The following RHOQ variants were observed in gnomAD, a reference collection of about 807,000 sequenced individuals.
RHOQ encodes ras homolog family member Q.
In RHOQ, 7 loss-of-function variants were observed where a neutral mutation model predicts 25.8. The ratio of observed to expected loss-of-function variants is 0.27; its 90% confidence interval spans 0.15 to 0.51. The LOEUF (loss-of-function observed/expected upper bound fraction) is 0.51, where lower values mean the gene tolerates loss of function less well. Ranked by LOEUF, RHOQ falls within the 20% of genes least tolerant of loss-of-function variation. The pLI is 0.97. For synonymous variants in RHOQ, 97 were observed against 98.6 expected (o/e 0.98, Z 0.10); for missense variants, 165 against 260.6 (o/e 0.63, Z 2.53).
In RHOQ at chr2:46,547,914, C is replaced by G. The variant is rs560592892; in HGVS notation, c.201+4102C>G. Among the ~76,000 whole-genome samples, 63 of 152,310 alleles carry G rather than the reference C, an allele frequency of 4.1e-4. No homozygotes were observed. The Middle Eastern group carries it at 0.014, about 33-fold the overall frequency. ...GCAAGCTGCTCTCTAGCTGTGGGCT[C>G]TAGGCTGATCTCTTAATCCTTGGCA... is the stretch of plus-strand genomic sequence containing the variant. On this transcript the variant is annotated intron_variant, in intron 2 of 4. Transcript: ENST00000238738.
intron 2 of RHOQ, among the ~76,000 whole-genome samples, chr2:46,549,350 C>T (rs934141187): frequency 3.9e-5 from 6 of 152,116 alleles, no homozygotes; most frequent in Admixed American, 1.3e-4. Context: ...TCAGAGGCCC[C>T]ATGGAGAATT....
At chr2:46,578,858 T>C (rs1669235943) in intron 4 of RHOQ, among the ~76,000 whole-genome samples, 1 of 152,026 alleles carries the variant, frequency 6.6e-6, no homozygotes. Flanking sequence ...GTATTTAAGG[T>C]GATAGATGTT....
In RHOQ at chr2:46,566,214, T is replaced by G. The variant is rs1354874576; in HGVS notation, c.202-9873T>G. Among the ~76,000 whole-genome samples the G allele has an allele frequency of 1.3e-5, 2 of 152,056 alleles. No individual in the cohort carries two copies. The highest frequency in any genetic ancestry group is 4.8e-5 in the African/African-American group (2 of 41,392). On this transcript the variant is annotated intron_variant, in intron 2 of 4. Transcript: ENST00000238738. The surrounding 1 kb of genome is among the most constrained non-coding windows in gnomAD (Gnocchi z 4.2). ...CAGTTTTGATTGGGAAGAAATGAAT[T>G]TAGTTCAGAAATGTTGAATTTGAGA...
rs1669399977 is a variant in RHOQ, at chr2:46,581,982, A to G, written c.*899A>G. Reference sequence around the variant, plus strand: ...ACATCAAATGAAATGAGAAGTGTGTATGCTGACCAAACCACAAGAAACTTT... The same window carrying G: ...ACATCAAATGAAATGAGAAGTGTGTGTGCTGACCAAACCACAAGAAACTTT... On this transcript the variant is annotated 3_prime_UTR_variant, in exon 5 of 5. Coordinates refer to ENST00000238738, the MANE Select transcript of RHOQ (RefSeq NM_012249.4). 6.2e-6 allele frequency: 1 copy of G among 162,414 alleles called. No homozygotes were observed. Among genetic ancestry groups the G allele is most frequent in the East Asian group, 1.8e-4 (1 of 5,568 alleles). 10.1% of individuals were successfully genotyped at this position (162,414 alleles called of 1,614,324 possible).
chr2:46,573,762 A>C (rs974085964), intron 2 of RHOQ, among the ~76,000 whole-genome samples: 1 of 152,226 alleles, frequency 6.6e-6, no homozygotes, highest in Admixed American at 6.5e-5. Flanking sequence ...TTCCCTGAGG[A>C]GGTAAACTTG....
Position 46,576,081 on chromosome 2 carries a change from C to T in RHOQ, c.202-6C>T. ...ATACATAATGAGGCTTTTCTTTGTT[C>T]CTCAGGAAGACTATGACCGTCTGAG... On this transcript the variant is annotated splice_polypyrimidine_tract_variant and splice_region_variant and intron_variant, in intron 2 of 4. Coordinates refer to ENST00000238738, the MANE Select transcript of RHOQ (RefSeq NM_012249.4). This position sits in a 1 kb window ranked among gnomAD's most constrained non-coding sequence, Gnocchi z 5.1. The T allele has an allele frequency of 1.3e-6, 2 of 1,586,170 alleles. No individual in the cohort carries two copies. Among genetic ancestry groups the T allele is most frequent in the East Asian group, 2.2e-5 (1 of 44,480 alleles).
At chr2:46,562,715 CTTTGA>C (rs1353514445) in intron 2 of RHOQ, among the ~76,000 whole-genome samples, 1 of 152,144 alleles carries the variant, frequency 6.6e-6, no homozygotes, top group African/African-American at 2.4e-5. Context: ...CCTTCCCAGC[CTTTGA>C]TTTTTTTTGA....
At chr2:46,565,224 C>T (rs950364141) in intron 2 of RHOQ, among the ~76,000 whole-genome samples, 2 of 152,262 alleles carry the variant, frequency 1.3e-5, no homozygotes, top group South Asian at 4.1e-4. Context: ...TTAATCCAAC[C>T]AGGGACTCTC....
At chr2:46,547,012 G>A (rs1333727731) in intron 2 of RHOQ, among the ~76,000 whole-genome samples, 2 of 152,150 alleles carry the variant, frequency 1.3e-5, no homozygotes, top group African/African-American at 4.8e-5. Context: ...TGTATCAGAT[G>A]GTTTTCTGTC....
At position 46,543,758 on chromosome 2, in the gene RHOQ, C is replaced by A; in HGVS notation, c.147C>A (p.Ser49Arg). 1 of 1,613,544 alleles carries A rather than the reference C, an allele frequency of 6.2e-7. No homozygotes were observed. Among genetic ancestry groups the A allele is most frequent in the Non-Finnish European group, 8.5e-7 (1 of 1,179,752 alleles). Residue 49 changes from serine (S) to arginine (R), a missense_variant, in exon 2 of 5, where the codon AGC becomes AGA. Physicochemically the swap from Ser to Arg is moderately radical, Grantham distance 110. Transcript: ENST00000238738. ...VPTVFDHYAV[S>R]VTVGGKQYLL... is the part of the protein sequence containing the mutation. ...CCCCCACTTCTGTCCTTGCAGTCAG[C>A]GTCACCGTGGGGGGCAAGCAGTACC... is the stretch of plus-strand genomic sequence containing the variant.
At chr2:46,543,498 A>G (rs1484145210) in intron 1 of RHOQ, 3 of 599,496 alleles carry the variant, frequency 5.0e-6, no homozygotes, top group Non-Finnish European at 8.9e-6. Context: ...CCCGGGGGAA[A>G]TATTCGAGGG....
At position 46,552,548 on chromosome 2, in the gene RHOQ, C is replaced by T. The variant is rs537761359; in HGVS notation, c.201+8736C>T. On this transcript the variant is annotated intron_variant, in intron 2 of 4. Transcript: ENST00000238738. This position sits in a 1 kb window ranked among gnomAD's most constrained non-coding sequence, Gnocchi z 5.0. ...TGTCCCTCCTTCATCTGAATATTCT[C>T]TAAATATGGCGCAAAACTTCCTCTG... 6.6e-6 allele frequency among the ~76,000 whole-genome samples: 1 copy of T among 152,352 alleles called. No homozygotes were observed. Among genetic ancestry groups the T allele is most frequent in the East Asian group, 1.9e-4 (1 of 5,190 alleles).
At chr2:46,574,984 A>AT (rs1669063427) in intron 2 of RHOQ, among the ~76,000 whole-genome samples, 2 of 152,220 alleles carry the variant, frequency 1.3e-5, no homozygotes, top group Admixed American at 1.3e-4. Flanking sequence ...GAGTCTAGCT[A>AT]TGCCAAAAAT....
intron 2 of RHOQ, among the ~76,000 whole-genome samples, chr2:46,573,657 T>C (rs1043843085): frequency 6.6e-6 from 1 of 152,238 alleles, no homozygotes; most frequent in Non-Finnish European, 1.5e-5. Context: ...GTAAAATACT[T>C]GGATTAATAT....
At chr2:46,554,589 T>G (rs958665671) in intron 2 of RHOQ, among the ~76,000 whole-genome samples, 1 of 152,190 alleles carries the variant, frequency 6.6e-6, no homozygotes, top group Non-Finnish European at 1.5e-5. Flanking sequence ...AAGCATCAGA[T>G]GGGCAATGAC....
At chr2:46,575,443 A>AC (rs1669084294) in intron 2 of RHOQ, among the ~76,000 whole-genome samples, 2 of 147,010 alleles carry the variant, frequency 1.4e-5, no homozygotes, top group Non-Finnish European at 3.0e-5. Flanking sequence ...ACACACACAC[A>AC]ATTAATAAAA....
In RHOQ at chr2:46,576,503, T is replaced by C. The variant is rs1429085880; in HGVS notation, c.367-58T>C. The C allele has an allele frequency of 6.2e-6, 7 of 1,135,540 alleles. No individual in the cohort carries two copies. Among genetic ancestry groups the C allele is most frequent in the Non-Finnish European group, 9.0e-6 (7 of 780,518 alleles). 70.3% of individuals were successfully genotyped at this position (1,135,540 alleles called of 1,614,324 possible). A position where few individuals can be genotyped will look rare whatever the true frequency, so the allele number is the denominator to read the frequency against. ...TGGGAATTAAGTGGGATTACATGCT[T>C]TGATTTTTCTTTAAAGATTTGTAAT... On this transcript the variant is annotated intron_variant, in intron 3 of 4. Transcript: ENST00000238738. This position sits in a 1 kb window ranked among gnomAD's most constrained non-coding sequence, Gnocchi z 5.1.
At chr2:46,564,796 G>T (rs1668680770) in intron 2 of RHOQ, among the ~76,000 whole-genome samples, 1 of 152,226 alleles carries the variant, frequency 6.6e-6, no homozygotes, top group Non-Finnish European at 1.5e-5. Context: ...GTTGAAAAGG[G>T]TGAGAGGGCT....
Position 46,552,002 on chromosome 2 carries a change from T to A in RHOQ, c.201+8190T>A, listed in dbSNP as rs117424047. 2.0e-4 allele frequency among the ~76,000 whole-genome samples: 30 copies of A among 152,346 alleles called. No individual in the cohort carries two copies. The East Asian group carries it at 5.0e-3, about 25-fold the overall frequency. On this transcript the variant is annotated intron_variant, in intron 2 of 4. Coordinates refer to ENST00000238738, the MANE Select transcript of RHOQ (RefSeq NM_012249.4). The surrounding 1 kb of genome is among the most constrained non-coding windows in gnomAD (Gnocchi z 5.0). ...AGGCAGGCTGTCGGACTTTAAGCCC[T>A]GGGTTCTTGATGTTAAGTCACTCTC... is the stretch of plus-strand genomic sequence containing the variant.
Sources: gnomAD v4.1 joint callset for allele counts (sites outside exome capture counted in the v4.1 genomes callset) on GRCh38, gnomAD v4.1.1 for gene constraint, Gnocchi (gnomAD v3.1) non-coding constraint, MANE v1.5 for transcripts, NCBI Gene and HGNC (gene_info 2026-07-23, HGNC 2026-07-21) for gene names.